The following SCN1A variants were observed in gnomAD, a reference collection of about 807,000 sequenced individuals.
The protein encoded by SCN1A is sodium channel protein type 1 subunit alpha.
Under a neutral mutation model 193.7 loss-of-function variants are expected in SCN1A, and 13 were observed. That is an observed-to-expected ratio of 0.07 (90% CI 0.04 to 0.11). SCN1A has a LOEUF of 0.11. SCN1A is among the 10% of genes least tolerant of loss of function. The pLI is 1.00. For missense variants in SCN1A, 1,432 were observed against 2,451.1 expected (o/e 0.58, Z 8.78); for synonymous variants, 781 against 843.6 (o/e 0.93, Z 1.29).
intron 9 of SCN1A, among the ~76,000 whole-genome samples, chr2:166,050,302 T>C (rs2105881264): frequency 6.6e-6 from 1 of 151,846 alleles, no homozygotes; most frequent in African/African-American, 2.4e-5. Context: ...AATTTTCTAT[T>C]ATTTTCAGAA....
At chr2:166,006,825 C>A (rs1234596325) in intron 23 of SCN1A, among the ~76,000 whole-genome samples, 3 of 151,150 alleles carry the variant, frequency 2.0e-5, no homozygotes, top group Admixed American at 6.6e-5. Flanking sequence ...AGGACCCAGA[C>A]CAATGTACTA....
chr2:166,060,164 G>A (rs1683138970), intron 4 of SCN1A: 1 of 152,168 alleles, frequency 6.6e-6, no homozygotes, highest in Non-Finnish European at 1.5e-5. Flanking sequence ...AGTTTGAGAA[G>A]CACTGCTCCA....
intron 12 of SCN1A, among the ~76,000 whole-genome samples, chr2:166,045,680 C>A (rs1293819103): frequency 6.6e-6 from 1 of 152,002 alleles, no homozygotes. Context: ...GTTTTCTTTT[C>A]TCCGAAAAAG....
chr2:166,041,469 T>C lies in SCN1A; in HGVS notation c.2177A>G (p.Glu726Gly). The C allele has an allele frequency of 2.0e-6, 3 of 1,522,232 alleles. No individual in the cohort carries two copies. The highest frequency in any genetic ancestry group is 2.7e-6 in the Non-Finnish European group (3 of 1,121,638). 94.3% of individuals were successfully genotyped at this position (1,522,232 alleles called of 1,614,324 possible). A position where few individuals can be genotyped will look rare whatever the true frequency, so the allele number is the denominator to read the frequency against. ...GCATTTCTGCCTGGATTCTTCAAGT[T>C]CTAGATTAAGAAAAAAAAAAAAAAG... ...IASILTNTVE[E>G]LEESRQKCPP... The change falls in exon 16 of 29, where the codon GAA becomes GGA. Residue 726 changes from glutamate (E) to glycine (G), a missense_variant and splice_region_variant. This residue lies in a region of SCN1A where 316 missense variants were observed against 362.1 expected (regional missense o/e 0.87). Transcript: ENST00000674923.
chr2:166,079,800 T>C (rs1685313798), intron 2 of SCN1A, among the ~76,000 whole-genome samples: 1 of 151,448 alleles, frequency 6.6e-6, no homozygotes, highest in Non-Finnish European at 1.5e-5. Flanking sequence ...TTATATATAA[T>C]TATAAATTAG....
intron 13 of SCN1A, 104 bp downstream of exon 13, chr2:166,044,939 G>A (rs984819182): frequency 3.8e-5 from 47 of 1,223,554 alleles, no homozygotes; most frequent in Non-Finnish European, 5.3e-5. Context: ...CACAACAGTG[G>A]TTGATTCAGT....
chr2:166,120,808 G>T (rs1470923757), intron 2 of SCN1A, among the ~76,000 whole-genome samples: 1 of 151,274 alleles, frequency 6.6e-6, no homozygotes, highest in Non-Finnish European at 1.5e-5. Flanking sequence ...TAGAGACGGG[G>T]TTTCACCATG....
upstream of SCN1A, among the ~76,000 whole-genome samples, chr2:166,130,242 A>G (rs913125956): frequency 6.8e-6 from 1 of 146,998 alleles, no homozygotes; most frequent in African/African-American, 2.6e-5. Context: ...TCTATCAAGT[A>G]TTATTCATAT....
chr2:165,998,213 AT>A, intron 25 of SCN1A, 38 bp from the exon 26 acceptor site: 1 of 1,557,592 alleles, frequency 6.4e-7, no homozygotes, highest in Non-Finnish European at 8.8e-7. Flanking sequence ...ATTACCATAC[AT>A]TTTAGTGCTG....
At position 166,058,572 on chromosome 2, in the gene SCN1A, A is replaced by G. The variant is rs1235767542; in HGVS notation, c.381T>C (p.His127=). The change falls in exon 5 of 29, where the codon CAT becomes CAC. Residue 127 remains histidine (H), a splice_region_variant and synonymous_variant. Transcript: ENST00000674923. ...ATTAATCACTTGAAAAAGGATATGA[A>G]TGTACCAAAATCTTAATAGCTATTT... ...LRKIAIKILV[H]SLFSMLIMCT... is the part of the protein sequence containing the mutation. 6.5e-7 allele frequency: 1 copy of G among 1,536,812 alleles called. No homozygotes were observed. Among genetic ancestry groups the G allele is most frequent in the Non-Finnish European group, 9.0e-7 (1 of 1,110,398 alleles).
At chr2:166,038,676 T>G (rs1247674234) in intron 17 of SCN1A, among the ~76,000 whole-genome samples, 1 of 152,172 alleles carries the variant, frequency 6.6e-6, no homozygotes, top group Non-Finnish European at 1.5e-5. Flanking sequence ...GGAATCCAAC[T>G]GTTCTTAATT....
At chr2:166,003,501 G>A (rs1483282808) in intron 23 of SCN1A, among the ~76,000 whole-genome samples, 3 of 151,322 alleles carry the variant, frequency 2.0e-5, no homozygotes, top group Non-Finnish European at 3.0e-5. Flanking sequence ...ATCACATGAA[G>A]TTCTGTGTTC....
chr2:166,042,603 A>C (rs1450378772), intron 14 of SCN1A, among the ~76,000 whole-genome samples, 179 bp from the exon 15 acceptor site: 1 of 152,218 alleles, frequency 6.6e-6, no homozygotes, highest in Non-Finnish European at 1.5e-5. Flanking sequence ...CAAACTGTTA[A>C]CCATTTAGTC....
chr2:165,996,276 T>C (rs1690046029), intron 26 of SCN1A, 159 bp from the exon 27 acceptor site: 3 of 511,576 alleles, frequency 5.9e-6, no homozygotes, highest in African/African-American at 2.0e-5. Context: ...TTGTACTCTT[T>C]AGGTATGATA....
chr2:166,081,877 G>T (rs1685568715), intron 2 of SCN1A, among the ~76,000 whole-genome samples: 1 of 151,710 alleles, frequency 6.6e-6, no homozygotes, highest in Admixed American at 6.6e-5. Context: ...TGCCTTATCT[G>T]ACCCTAGAAG....
At chr2:165,993,911 G>T (rs1167673757) in intron 28 of SCN1A, 5 of 564,800 alleles carry the variant, frequency 8.9e-6, no homozygotes, top group Non-Finnish European at 1.6e-5. Flanking sequence ...TAGTTCAAAT[G>T]AATGAGGTTT....
At chr2:166,121,408 T>C (rs780640355) in intron 2 of SCN1A, among the ~76,000 whole-genome samples, 1 of 152,210 alleles carries the variant, frequency 6.6e-6, no homozygotes, top group Non-Finnish European at 1.5e-5. Context: ...TCCCCATGAA[T>C]TCCTAATTTT....
intron 10 of SCN1A, among the ~76,000 whole-genome samples, chr2:166,048,305 A>T (rs1303544711): frequency 6.6e-6 from 1 of 151,782 alleles, no homozygotes; most frequent in Non-Finnish European, 1.5e-5. Context: ...TCACTGAGGT[A>T]TTAAGCCTAG....
At chr2:166,014,098 G>A (rs1692927380) in intron 20 of SCN1A, among the ~76,000 whole-genome samples, 200 bp from the exon 21 acceptor site, 1 of 151,596 alleles carries the variant, frequency 6.6e-6, no homozygotes, top group Non-Finnish European at 1.5e-5. Flanking sequence ...TGATGCCCTA[G>A]CGGACAGTAT....
Sources: gnomAD v4.1 joint callset for allele counts (sites outside exome capture counted in the v4.1 genomes callset) on GRCh38, gnomAD v4.1.1 for gene constraint, gnomAD v4.1.1 regional missense constraint, MANE v1.5 for transcripts, NCBI Gene and HGNC (gene_info 2026-07-23, HGNC 2026-07-21) for gene names.